The following ELP3 variants were observed in gnomAD, a reference collection of about 807,000 sequenced individuals.
ELP3 encodes elongator acetyltransferase complex subunit 3.
In ELP3, 56 loss-of-function variants were observed where a neutral mutation model predicts 74.9. The observed-to-expected ratio is 0.75, with a 90% CI of 0.60 to 0.93. The LOEUF is 0.93. ELP3 is among the 40% of genes least tolerant of loss of function. The pLI is 0.00. For synonymous variants in ELP3, 222 were observed against 239.8 expected (o/e 0.93, Z 0.68); for missense variants, 573 against 686.5 (o/e 0.83, Z 1.85).
intron 14 of ELP3, among the ~76,000 whole-genome samples, chr8:28,174,171 T>G (rs529744126): frequency 6.6e-6 from 1 of 152,190 alleles, no homozygotes; most frequent in Non-Finnish European, 1.5e-5. Context: ...TTAATTTTTT[T>G]ATTAATTGTT....
At chr8:28,174,259 A>G (rs1209899744) in intron 14 of ELP3, among the ~76,000 whole-genome samples, 4 of 151,972 alleles carry the variant, frequency 2.6e-5, no homozygotes, top group African/African-American at 9.7e-5. Context: ...GTTTTGCTTC[A>G]TATATTTTGG....
chr8:28,127,114 G>A (rs909282705), intron 7 of ELP3, among the ~76,000 whole-genome samples: 2 of 152,194 alleles, frequency 1.3e-5, no homozygotes, highest in African/African-American at 2.4e-5. Context: ...TTGAAATGGA[G>A]TTAAATTATT....
intron 1 of ELP3, among the ~76,000 whole-genome samples, chr8:28,095,174 A>C (rs1237390614): frequency 6.6e-6 from 1 of 152,176 alleles, no homozygotes; most frequent in East Asian, 1.9e-4. Flanking sequence ...TCTGTTTTGC[A>C]TGTCCAAATC....
intron 14 of ELP3, among the ~76,000 whole-genome samples, chr8:28,176,642 G>GTCGTTT (rs1405326180): frequency 6.6e-6 from 1 of 152,000 alleles, no homozygotes; most frequent in Non-Finnish European, 1.5e-5. Flanking sequence ...CAGCGTAATC[G>GTCGTTT]TCGTTTTAGC....
chr8:28,133,161 C>T (rs73668103), intron 9 of ELP3, among the ~76,000 whole-genome samples: 6,622 of 152,020 alleles, frequency 0.044, 491 homozygotes, highest in African/African-American at 0.15. Context: ...AATAAAAGTG[C>T]CATTTTAACT....
chr8:28,129,479 A>G, intron 7 of ELP3, 23 bp from the exon 8 acceptor site: 1 of 1,613,480 alleles, frequency 6.2e-7, no homozygotes, highest in Non-Finnish European at 8.5e-7. Flanking sequence ...CAACAGGTTA[A>G]TTATTTTAGA....
rs1815407136 is a variant in ELP3 at position 28,190,219 on chromosome 8, G to A, written c.*494G>A. The A allele has an allele frequency of 6.5e-6, 1 of 153,320 alleles. No homozygotes were observed. Among genetic ancestry groups the A allele is most frequent in the South Asian group, 2.0e-4 (1 of 4,880 alleles). 9.5% of individuals were successfully genotyped at this position (153,320 alleles called of 1,614,324 possible). A position where few individuals can be genotyped will look rare whatever the true frequency, so the allele number is the denominator to read the frequency against. ...ATTGGAGCGCAAGTTAGGAAAATGA[G>A]CTTTTGTTTTCATGGAAATCATTCT... On this transcript the variant is annotated 3_prime_UTR_variant, in exon 15 of 15. Transcript: ENST00000256398.
chr8:28,141,754 A>G (rs915476667), intron 10 of ELP3, among the ~76,000 whole-genome samples: 2 of 152,244 alleles, frequency 1.3e-5, no homozygotes, highest in African/African-American at 2.4e-5. Context: ...TACACTAGAC[A>G]ACAAAGCTGC....
At chr8:28,123,081 G>A (rs1202852302) in intron 7 of ELP3, among the ~76,000 whole-genome samples, 1 of 152,140 alleles carries the variant, frequency 6.6e-6, no homozygotes. Context: ...CCAAGATCAC[G>A]CCACTGCCCT....
intron 10 of ELP3, among the ~76,000 whole-genome samples, chr8:28,150,975 A>C (rs531378815): frequency 5.9e-4 from 90 of 151,868 alleles, no homozygotes; most frequent in Non-Finnish European, 6.5e-4. Flanking sequence ...TGGTCTCATT[A>C]TGTTGTCTAG....
chr8:28,106,616 G>A lies in ELP3; in HGVS notation c.259-97G>A, dbSNP rs1288272212. On this transcript the variant is annotated intron_variant, in intron 3 of 14. Transcript: ENST00000256398. ...TTGAAGCCCCTTTTTGCCACTCTCTGGTTGCATTCCTCTCCTTCCTTCCGA... is the reference window on the plus strand; with the variant it reads ...TTGAAGCCCCTTTTTGCCACTCTCTAGTTGCATTCCTCTCCTTCCTTCCGA... 1.6e-5 allele frequency: 14 copies of A among 883,022 alleles called. No homozygotes were observed. In the South Asian group the frequency reaches 2.2e-4, roughly 14 times the overall value. The allele number at this position is 883,022 out of a possible 1,614,324, so 54.7% of individuals were successfully genotyped here. A position where few individuals can be genotyped will look rare whatever the true frequency, so the allele number is the denominator to read the frequency against.
Position 28,137,695 on chromosome 8 carries a change from C to T in ELP3, c.907-3C>T. ...GAAGTCATTTTCTGTTCTCTATTCA[C>T]AGGAGTTTTTTGAGAACCCTGCTTT... On this transcript the variant is annotated splice_polypyrimidine_tract_variant and splice_region_variant and intron_variant, in intron 9 of 14. Transcript: ENST00000256398. The T allele has an allele frequency of 6.2e-7, 1 of 1,612,392 alleles. No individual in the cohort carries two copies. Among genetic ancestry groups the T allele is most frequent in the Non-Finnish European group, 8.5e-7 (1 of 1,179,538 alleles).
intron 3 of ELP3, among the ~76,000 whole-genome samples, 186 bp downstream of exon 3, chr8:28,100,152 A>T (rs762941887): frequency 6.6e-6 from 1 of 152,236 alleles, no homozygotes; most frequent in Non-Finnish European, 1.5e-5. Context: ...AGAGAAAAAA[A>T]TATAATTGTG....
In ELP3 at chr8:28,139,298, GT is replaced by G. The variant is rs71222539; in HGVS notation, c.1100+1415del. 9.0e-4 allele frequency among the ~76,000 whole-genome samples: 137 copies of G among 151,756 alleles called. 2 individuals are homozygous for G. Among genetic ancestry groups the G allele is most frequent in the Admixed American group, 9.0e-3 (137 of 15,238 alleles). On this transcript the variant is annotated intron_variant, in intron 10 of 14. Transcript: ENST00000256398. Reference sequence around the variant, plus strand: ...ATATATTAAGGATACTGGGTGCTAGGTTTTTTTTGTTATCTTAGAAGTCAAT... The same window carrying G: ...ATATATTAAGGATACTGGGTGCTAGGTTTTTTTGTTATCTTAGAAGTCAAT...
chr8:28,107,290 A>G (rs565838818), intron 4 of ELP3, among the ~76,000 whole-genome samples: 1 of 152,320 alleles, frequency 6.6e-6, no homozygotes, highest in East Asian at 1.9e-4. Flanking sequence ...ATTTTAATTT[A>G]TTGCAATATA....
At chr8:28,158,307 C>T (rs76001363) in intron 11 of ELP3, among the ~76,000 whole-genome samples, 1,580 of 152,034 alleles carry the variant, frequency 0.01, 28 homozygotes, top group African/African-American at 0.035. Flanking sequence ...TGATCTTTTT[C>T]GAATTCTAAA....
chr8:28,151,666 T>C (rs1355378722), intron 10 of ELP3, among the ~76,000 whole-genome samples: 1 of 152,196 alleles, frequency 6.6e-6, no homozygotes, highest in Non-Finnish European at 1.5e-5. Flanking sequence ...CACAAGGGTT[T>C]CTCAGTTTTT....
At chr8:28,109,901 A>G (rs934081855) in intron 5 of ELP3, among the ~76,000 whole-genome samples, 1 of 152,072 alleles carries the variant, frequency 6.6e-6, no homozygotes, top group Non-Finnish European at 1.5e-5. Context: ...GTCCTCTTTC[A>G]CTTTGCCTTT....
At chr8:28,155,612 T>C (rs1585718775) in intron 10 of ELP3, among the ~76,000 whole-genome samples, 1 of 152,244 alleles carries the variant, frequency 6.6e-6, no homozygotes, top group South Asian at 2.1e-4. Flanking sequence ...ATTTATTTGG[T>C]ACAAATGTCT....
Sources: gnomAD v4.1 joint callset for allele counts (sites outside exome capture counted in the v4.1 genomes callset) on GRCh38, gnomAD v4.1.1 for gene constraint, MANE v1.5 for transcripts, NCBI Gene and HGNC (gene_info 2026-07-23, HGNC 2026-07-21) for gene names.